The following PINX1 variants were observed in gnomAD, a reference collection of about 807,000 sequenced individuals.
PINX1 encodes the protein PIN2 (TERF1) interacting telomerase inhibitor 1, also known as PIN2/TERF1-interacting telomerase inhibitor 1.
In PINX1, 34 loss-of-function variants were observed where a neutral mutation model predicts 25.4. That is an observed-to-expected ratio of 1.34 (90% confidence interval 1.02 to 1.78). The LOEUF (loss-of-function observed/expected upper bound fraction) is 1.78, where lower values mean the gene tolerates loss of function less well. Among genes scored for constraint, PINX1 ranks in the 40% most tolerant of loss-of-function variants. PINX1 has a pLI of 0.00. For synonymous variants in PINX1, 197 were observed against 147.7 expected, an observed-to-expected ratio of 1.33 and a Z score of -2.42; for missense variants, 592 against 404.9, an observed-to-expected ratio of 1.46 and a Z score of -3.97.
intron 5 of PINX1, among the ~76,000 whole-genome samples, chr8:10,824,399 T>C (rs1797972710): frequency 1.3e-5 from 2 of 152,216 alleles, no homozygotes; most frequent in South Asian, 2.1e-4. Flanking sequence ...CCAGTCTGCA[T>C]GTCCTTCCCG....
intron 5 of PINX1, chr8:10,825,542 C>T (rs1476112301): frequency 2.0e-6 from 1 of 503,038 alleles, no homozygotes; most frequent in African/African-American, 2.0e-5. Flanking sequence ...ACCGCATGCA[C>T]AAATGATTTC....
intron 6 of PINX1, among the ~76,000 whole-genome samples, chr8:10,819,732 C>T (rs1378570521): frequency 2.0e-5 from 3 of 152,184 alleles, no homozygotes; most frequent in Non-Finnish European, 2.9e-5. Context: ...ATAGATGGTG[C>T]TGATCTAGCG....
chr8:10,826,057 C>A, intron 5 of PINX1, 95 bp downstream of exon 5: 1 of 655,376 alleles, frequency 1.5e-6, no homozygotes, highest in Non-Finnish European at 2.7e-6. Flanking sequence ...GTCCATAAAG[C>A]ATGAAGTCGC....
chr8:10,817,907 T>A (rs1013170672), intron 6 of PINX1, among the ~76,000 whole-genome samples: 2 of 150,958 alleles, frequency 1.3e-5, no homozygotes, highest in East Asian at 3.9e-4. Context: ...TCAGAATAAC[T>A]GCTGCAACAA....
intron 6 of PINX1, among the ~76,000 whole-genome samples, chr8:10,777,503 A>G (rs1161072659): frequency 6.6e-6 from 1 of 152,216 alleles, no homozygotes; most frequent in African/African-American, 2.4e-5. Context: ...TTTCCAGAGC[A>G]GACAGCACCA....
At chr8:10,839,118 A>C (rs182648014) in intron 1 of PINX1, among the ~76,000 whole-genome samples, 64 of 151,870 alleles carry the variant, frequency 4.2e-4, no homozygotes, top group African/African-American at 1.5e-3. Context: ...CTACAGAGAC[A>C]GGGGTTTCAC....
intron 6 of PINX1, among the ~76,000 whole-genome samples, chr8:10,816,450 A>G (rs1797699146): frequency 6.6e-6 from 1 of 152,220 alleles, no homozygotes; most frequent in African/African-American, 2.4e-5. Context: ...TACACAAGCA[A>G]CACAACATCT....
At chr8:10,803,622 G>A (rs1472004876) in intron 6 of PINX1, among the ~76,000 whole-genome samples, 1 of 152,114 alleles carries the variant, frequency 6.6e-6, no homozygotes, top group Non-Finnish European at 1.5e-5. Context: ...TTCTGTGAAT[G>A]AAAAATACTT....
At chr8:10,784,897 C>T (rs906719276) in intron 6 of PINX1, among the ~76,000 whole-genome samples, 3 of 152,186 alleles carry the variant, frequency 2.0e-5, no homozygotes, top group Non-Finnish European at 2.9e-5. Context: ...ATTTCAGCCT[C>T]GTGCTCTTTG....
chr8:10,827,534 C>T (rs1466679630), intron 4 of PINX1, among the ~76,000 whole-genome samples: 6 of 151,890 alleles, frequency 4.0e-5, no homozygotes, highest in African/African-American at 1.2e-4. Context: ...AGAAGAGTGC[C>T]ACAGAAACGA....
chr8:10,825,865 C>T (rs940150988), intron 5 of PINX1, among the ~76,000 whole-genome samples: 3 of 152,196 alleles, frequency 2.0e-5, no homozygotes, highest in Non-Finnish European at 4.4e-5. Context: ...CATAAAGTCC[C>T]GTTTTCCTCT....
At chr8:10,804,754 A>G in intron 6 of PINX1, among the ~76,000 whole-genome samples, 1 of 152,060 alleles carries the variant, frequency 6.6e-6, no homozygotes, top group African/African-American at 2.4e-5. Context: ...GTCAAAAGAA[A>G]AAAAAAGAAA....
intron 6 of PINX1, among the ~76,000 whole-genome samples, chr8:10,785,362 T>G (rs776796018): frequency 8.5e-5 from 13 of 152,224 alleles, no homozygotes; most frequent in South Asian, 2.1e-4. Flanking sequence ...AGAACCAGTC[T>G]ACGAAAAGAT....
At chr8:10,769,461 G>C (rs1161054671) in intron 6 of PINX1, among the ~76,000 whole-genome samples, 1 of 152,198 alleles carries the variant, frequency 6.6e-6, no homozygotes, top group Non-Finnish European at 1.5e-5. Context: ...TTTGAACTGA[G>C]ATGACTCTGG....
At position 10,839,813 on chromosome 8, in the gene PINX1, G is replaced by A. The variant is rs540498176; in HGVS notation, c.-57C>T. The A allele has an allele frequency of 5.9e-5, 92 of 1,552,318 alleles. No individual in the cohort carries two copies. In the African/African-American group the frequency reaches 1.2e-3, roughly 20 times the overall value. Reference sequence around the variant, plus strand: ...ACCTGGGTGACTGCGGCCACTGGGCGGGCTGGAGACTCCAGGAGAATCAGG... The same window carrying A: ...ACCTGGGTGACTGCGGCCACTGGGCAGGCTGGAGACTCCAGGAGAATCAGG... On this transcript the variant is annotated 5_prime_UTR_variant, in exon 1 of 7. Transcript: ENST00000314787.
intron 6 of PINX1, among the ~76,000 whole-genome samples, chr8:10,802,600 T>C (rs1364262867): frequency 6.6e-6 from 1 of 152,184 alleles, no homozygotes; most frequent in Non-Finnish European, 1.5e-5. Flanking sequence ...CCTAACTGCT[T>C]GCTACTCTCA....
chr8:10,836,293 A>C (rs56046029), intron 1 of PINX1, among the ~76,000 whole-genome samples: 24,486 of 152,166 alleles, frequency 0.16, 2,493 homozygotes, highest in Non-Finnish European at 0.23. Context: ...CAGAAAAAAA[A>C]AGGTGACCCA....
intron 6 of PINX1, among the ~76,000 whole-genome samples, chr8:10,783,101 C>T (rs145136735): frequency 9.9e-5 from 15 of 152,062 alleles, no homozygotes; most frequent in Non-Finnish European, 2.2e-4. Flanking sequence ...CCAATTGTTA[C>T]GTGTGACCCT....
chr8:10,798,253 T>G (rs1235932381), intron 6 of PINX1, among the ~76,000 whole-genome samples: 1 of 152,238 alleles, frequency 6.6e-6, no homozygotes. Flanking sequence ...AGTGTGCGTG[T>G]ATGCATACTC....
Sources: allele counts gnomAD v4.1 joint callset (sites outside exome capture counted in the v4.1 genomes callset), GRCh38; gene constraint gnomAD v4.1.1; transcripts MANE v1.5; gene names NCBI Gene and HGNC (gene_info 2026-07-23, HGNC 2026-07-21).